LRRC4C: variants seen among roughly 807,000 people sequenced by gnomAD.
The protein encoded by LRRC4C is leucine rich repeat containing 4C.
In LRRC4C, 5 loss-of-function variants were observed where a neutral mutation model predicts 33.6. That is an observed-to-expected ratio of 0.15 (90% CI 0.08 to 0.31). The LOEUF is 0.31. Ranked by LOEUF, LRRC4C falls within the 10% of genes least tolerant of loss-of-function variation. The pLI is 1.00. For synonymous variants in LRRC4C, 329 were observed against 302.0 expected, an observed-to-expected ratio of 1.09 and a Z score of -0.93; for missense variants, 560 against 796.7, an observed-to-expected ratio of 0.70 and a Z score of 3.58.
intron 2 of LRRC4C, among the ~76,000 whole-genome samples, chr11:40,791,785 C>G (rs1364184234): frequency 1.3e-5 from 2 of 152,104 alleles, no homozygotes; most frequent in African/African-American, 4.8e-5. Context: ...TCCTTCTGGA[C>G]AGAGAATGGA....
intron 1 of LRRC4C, among the ~76,000 whole-genome samples, chr11:41,211,745 G>C (rs988375246): frequency 2.0e-5 from 3 of 152,126 alleles, no homozygotes; most frequent in African/African-American, 7.2e-5. Context: ...GGATATTTGG[G>C]TTGGTTCCAA....
At chr11:40,803,827 A>G (rs1252256467) in intron 2 of LRRC4C, among the ~76,000 whole-genome samples, 1 of 152,162 alleles carries the variant, frequency 6.6e-6, no homozygotes, top group Non-Finnish European at 1.5e-5. Flanking sequence ...GGTACATGAG[A>G]TATTTTGATA....
At chr11:40,563,318 A>C (rs566418507) in intron 3 of LRRC4C, among the ~76,000 whole-genome samples, 1 of 152,188 alleles carries the variant, frequency 6.6e-6, no homozygotes, top group Non-Finnish European at 1.5e-5. Flanking sequence ...AAAGTCATGG[A>C]CTCATTGCTA....
At chr11:41,107,465 G>T (rs1345476787) in intron 1 of LRRC4C, among the ~76,000 whole-genome samples, 1 of 151,744 alleles carries the variant, frequency 6.6e-6, no homozygotes, top group Non-Finnish European at 1.5e-5. Context: ...TCTCATTTAT[G>T]GCCTTTAAGG....
At chr11:40,738,975 A>T (rs1435334289) in intron 2 of LRRC4C, among the ~76,000 whole-genome samples, 1 of 151,806 alleles carries the variant, frequency 6.6e-6, no homozygotes, top group African/African-American at 2.4e-5. Context: ...AATCAAACTA[A>T]TCGACATATC....
chr11:41,020,681 A>T (rs566171126), intron 1 of LRRC4C, among the ~76,000 whole-genome samples: 49 of 152,198 alleles, frequency 3.2e-4, no homozygotes, highest in Non-Finnish European at 5.3e-4. Flanking sequence ...GAGAGAACAA[A>T]TTTCTGTTTT....
chr11:41,371,907 A>T (rs2860336), intron 1 of LRRC4C, among the ~76,000 whole-genome samples: 1 of 152,078 alleles, frequency 6.6e-6, no homozygotes, highest in Admixed American at 6.5e-5. Context: ...AGGCCAAGGG[A>T]GGCGGATCAG....
At chr11:40,810,156 T>C (rs1425717238) in intron 2 of LRRC4C, among the ~76,000 whole-genome samples, 1 of 152,204 alleles carries the variant, frequency 6.6e-6, no homozygotes, top group Non-Finnish European at 1.5e-5. Flanking sequence ...ATTGTTCAGG[T>C]TACCAGTGAC....
intron 5 of LRRC4C, among the ~76,000 whole-genome samples, chr11:40,201,110 G>C (rs1237840182): frequency 6.6e-6 from 1 of 152,158 alleles, no homozygotes; most frequent in South Asian, 2.1e-4. Context: ...GAGAGGTCTT[G>C]GTTCCAGTCA....
Position 40,115,187 on chromosome 11 carries a change from A to G in LRRC4C, c.1106T>C (p.Met369Thr), listed in dbSNP as rs1209172425. Residue 369 changes from methionine to threonine, a missense_variant, in exon 7 of 7, where the codon ATG becomes ACG. Met to Thr is a moderately conservative substitution (Grantham distance 81). This residue lies in a region of LRRC4C where 455 missense variants were observed against 643.8 expected (regional missense o/e 0.71). Transcript: ENST00000528697. This position sits in a 1 kb window ranked among gnomAD's most constrained non-coding sequence, Gnocchi z 6.7. ...PPADLNVTEG[M>T]AAELKCRAST... ...GGCCCGACATTTCAGCTCAGCTGCCATGCCTTCAGTGACATTGAGGTCTGC... is the reference window on the plus strand; with the variant it reads ...GGCCCGACATTTCAGCTCAGCTGCCGTGCCTTCAGTGACATTGAGGTCTGC... 7 of 1,614,108 alleles carry G rather than the reference A, an allele frequency of 4.3e-6. No individual in the cohort carries two copies. The highest frequency in any genetic ancestry group is 4.5e-5 in the East Asian group (2 of 44,888).
intron 1 of LRRC4C, among the ~76,000 whole-genome samples, chr11:41,257,507 C>A (rs1948839567): frequency 6.6e-6 from 1 of 152,084 alleles, no homozygotes; most frequent in Middle Eastern, 3.4e-3. Flanking sequence ...TAGAAGAACA[C>A]CAGTTATTTT....
intron 1 of LRRC4C, among the ~76,000 whole-genome samples, chr11:41,252,269 A>G (rs1948664270): frequency 2.0e-5 from 3 of 152,118 alleles, no homozygotes; most frequent in African/African-American, 4.8e-5. Context: ...TTGGTACTTG[A>G]CAAAGTTAGA....
chr11:40,877,195 G>T (rs1209857787), intron 2 of LRRC4C, among the ~76,000 whole-genome samples: 1 of 151,904 alleles, frequency 6.6e-6, no homozygotes, highest in Non-Finnish European at 1.5e-5. Flanking sequence ...ATTCAGAAGC[G>T]ACCTCTTTGA....
intron 2 of LRRC4C, among the ~76,000 whole-genome samples, chr11:40,730,037 T>G: frequency 6.6e-6 from 1 of 151,402 alleles, no homozygotes; most frequent in Non-Finnish European, 1.5e-5. Context: ...TTCTCACTCA[T>G]AGGTGGGAAT....
At chr11:40,785,906 A>G (rs576985551) in intron 2 of LRRC4C, among the ~76,000 whole-genome samples, 15 of 82,474 alleles carry the variant, frequency 1.8e-4, no homozygotes, top group East Asian at 1.2e-3. Context: ...ATATTGTTGG[A>G]AAAAAAAACG....
chr11:41,142,819 AT>A (rs144346907), intron 1 of LRRC4C, among the ~76,000 whole-genome samples: 20,908 of 152,188 alleles, frequency 0.14, 1,505 homozygotes, highest in Middle Eastern at 0.16. Flanking sequence ...GTGCTTGTCA[AT>A]GGTGCAGAGC....
At chr11:40,138,487 A>G (rs1857140379) in intron 6 of LRRC4C, among the ~76,000 whole-genome samples, 1 of 152,192 alleles carries the variant, frequency 6.6e-6, no homozygotes, top group Non-Finnish European at 1.5e-5. Context: ...TCTAATCCTA[A>G]CCAAACCTCA....
intron 1 of LRRC4C, among the ~76,000 whole-genome samples, chr11:41,186,715 A>T (rs562093733): frequency 1.3e-5 from 2 of 152,304 alleles, no homozygotes; most frequent in East Asian, 3.9e-4. Context: ...ATCTAGTAAC[A>T]TCAGGAAGTA....
intron 5 of LRRC4C, among the ~76,000 whole-genome samples, chr11:40,157,411 G>A (rs1858791412): frequency 6.6e-6 from 1 of 152,122 alleles, no homozygotes; most frequent in African/African-American, 2.4e-5. Flanking sequence ...ACATAGCTGG[G>A]ACCTAATTAA....
Sources: gnomAD v4.1 joint callset for allele counts (sites outside exome capture counted in the v4.1 genomes callset) on GRCh38, gnomAD v4.1.1 for gene constraint, gnomAD v4.1.1 regional missense constraint, Gnocchi (gnomAD v3.1) non-coding constraint, MANE v1.5 for transcripts, NCBI Gene and HGNC (gene_info 2026-07-23, HGNC 2026-07-21) for gene names.